The following ASB18 variants were observed in gnomAD, a reference collection of about 807,000 sequenced individuals.
ASB18 encodes the protein ankyrin repeat and SOCS box containing 18.
Under a neutral mutation model 33.4 loss-of-function variants are expected in ASB18, and 33 were observed. That is an observed-to-expected ratio of 0.99 (90% CI 0.75 to 1.32). The LOEUF (loss-of-function observed/expected upper bound fraction) is 1.32. ASB18 is among the 40% of genes most tolerant of loss of function. The pLI, the probability that ASB18 is intolerant of heterozygous loss-of-function variation, is 0.00. For missense variants in ASB18, 694 were observed against 655.5 expected (o/e 1.06, Z -0.64); for synonymous variants, 295 against 307.6 (o/e 0.96, Z 0.43).
At position 236,237,720 on chromosome 2, in the gene ASB18, G is replaced by T; in HGVS notation, c.565C>A (p.Leu189Met). 1 of 1,460,762 alleles carries T rather than the reference G, an allele frequency of 6.8e-7. No homozygotes were observed. The highest frequency in any genetic ancestry group is 1.3e-5 in the South Asian group (1 of 77,078). 90.5% of individuals were successfully genotyped at this position (1,460,762 alleles called of 1,614,324 possible). Reference protein sequence around the residue: ...DLLSAEGLAPLHLCRTAASLG... With the variant: ...DLLSAEGLAPMHLCRTAASLG... ...GAGGCGGCCGTGCGGCAGAGGTGCA[G>T]AGGCGCCAGGCCCTCGGCGCTGAGC... The change falls in exon 3 of 6, where the codon CTG (leucine) becomes ATG (methionine). Residue 189 changes from leucine to methionine, a missense_variant. By Grantham distance (15) the Leu-to-Met change is conservative. Coordinates refer to ENST00000409749, the MANE Select transcript of ASB18 (RefSeq NM_212556.4). The surrounding 1 kb of genome is among the most constrained non-coding windows in gnomAD (Gnocchi z 6.2).
chr2:236,206,963 T>C (rs1009921658), intron 4 of ASB18, among the ~76,000 whole-genome samples: 1 of 152,138 alleles, frequency 6.6e-6, no homozygotes, highest in African/African-American at 2.4e-5. Flanking sequence ...CTGGTGGGTG[T>C]TGGTGTCACA....
rs1450390679 is a variant in ASB18, at chr2:236,262,646, CA to C, written c.205+1494del. ...GCCTAAAGGGTGAATGCAAGATGTA[CA>C]GCTCAGCACTCCCAGTCCAATCACT... is the stretch of plus-strand genomic sequence containing the variant. On this transcript the variant is annotated intron_variant, in intron 1 of 5. Coordinates refer to ENST00000409749, the MANE Select transcript of ASB18 (RefSeq NM_212556.4). The surrounding 1 kb of genome is among the most constrained non-coding windows in gnomAD (Gnocchi z 5.2). 6.6e-6 allele frequency among the ~76,000 whole-genome samples: 1 copy of C among 152,142 alleles called. No homozygotes were observed. The highest frequency in any genetic ancestry group is 6.5e-5 in the Admixed American group (1 of 15,270).
At chr2:236,236,826 T>C (rs1559334851) in intron 3 of ASB18, among the ~76,000 whole-genome samples, 1 of 152,162 alleles carries the variant, frequency 6.6e-6, no homozygotes, top group African/African-American at 2.4e-5. Flanking sequence ...TGGGCGACTT[T>C]CCTTAATCTT....
At position 236,237,609 on chromosome 2, in the gene ASB18, G is replaced by A. The variant is rs1229193117; in HGVS notation, c.596+80C>T. 8.4e-7 allele frequency: 1 copy of A among 1,186,870 alleles called. No individual in the cohort carries two copies. Among genetic ancestry groups the A allele is most frequent in the Non-Finnish European group, 1.1e-6 (1 of 919,118 alleles). The allele number at this position is 1,186,870 out of a possible 1,614,324, so 73.5% of individuals were successfully genotyped here. On this transcript the variant is annotated intron_variant, in intron 3 of 5. Transcript: ENST00000409749. The surrounding 1 kb of genome is among the most constrained non-coding windows in gnomAD (Gnocchi z 6.2). ...GGGGCTGGGACGGAGGCGGAGGCGG[G>A]GTCGGCGGTCTCGTGGGGGGAGGCG...
rs1438391715 is a variant in ASB18 at position 236,214,702 on chromosome 2, G to A, written c.761C>T (p.Thr254Met). The change falls in exon 4 of 6, where the codon ACG becomes ATG. Residue 254 changes from threonine to methionine, a missense_variant. By Grantham distance (81) the Thr-to-Met change is moderately conservative. Coordinates refer to ENST00000409749, the MANE Select transcript of ASB18 (RefSeq NM_212556.4). The surrounding 1 kb of genome is among the most constrained non-coding windows in gnomAD (Gnocchi z 6.5). ...CGCACCGCAGGCCGCGCTCAGAGCC[G>A]TCTCTCCGCGGCCGTTCCTCGCGTC... ...HVDARNGRGE[T>M]ALSAACGAAR... The A allele has an allele frequency of 5.2e-6, 6 of 1,150,080 alleles. No homozygotes were observed. The highest frequency in any genetic ancestry group is 4.4e-5 in the East Asian group (1 of 22,932). The allele number at this position is 1,150,080 out of a possible 1,614,324, so 71.2% of individuals were successfully genotyped here.
chr2:236,209,073 G>C lies in ASB18; in HGVS notation c.1101+5289C>G, dbSNP rs1235379809. Among the ~76,000 whole-genome samples the C allele has an allele frequency of 2.0e-5, 3 of 152,106 alleles. No individual in the cohort carries two copies. The highest frequency in any genetic ancestry group is 4.4e-5 in the Non-Finnish European group (3 of 68,034). On this transcript the variant is annotated intron_variant, in intron 4 of 5. Transcript: ENST00000409749. This position sits in a 1 kb window ranked among gnomAD's most constrained non-coding sequence, Gnocchi z 4.4. ...CACGCAACTCTGTGAAGATGGGAGG[G>C]GGAGCCCTGGTTTTTGACTACTGCT...
At chr2:236,206,676 C>A (rs11888159) in intron 4 of ASB18, among the ~76,000 whole-genome samples, 1,780 of 152,278 alleles carry the variant, frequency 0.012, 34 homozygotes, top group African/African-American at 0.041. Context: ...GTATCAGAGT[C>A]CAATCAGGCA....
intron 3 of ASB18, among the ~76,000 whole-genome samples, chr2:236,227,178 A>C (rs1475168634): frequency 3.3e-5 from 5 of 152,208 alleles, no homozygotes; most frequent in Non-Finnish European, 7.3e-5. Context: ...GACTTGGAAT[A>C]TCATCAAATG....
rs1336278373 is a variant in ASB18 at position 236,239,747 on chromosome 2, G to A, written c.328+1533C>T. Among the ~76,000 whole-genome samples, 1 of 152,240 alleles carries A rather than the reference G, an allele frequency of 6.6e-6. No individual in the cohort carries two copies. On this transcript the variant is annotated intron_variant, in intron 2 of 5. Transcript: ENST00000409749. This position sits in a 1 kb window ranked among gnomAD's most constrained non-coding sequence, Gnocchi z 5.6. ...GATCAATCCCTTCCCCACCAGGGGA[G>A]CTGGAATTGGCCACCGGGAAGTCTT...
chr2:236,202,793 AAAT>A (rs1159175823), intron 4 of ASB18, among the ~76,000 whole-genome samples: 65 of 124,882 alleles, frequency 5.2e-4, no homozygotes, highest in African/African-American at 2.3e-3. Context: ...AAAAAAAAAA[AAAT>A]ATATATATAT....
intron 4 of ASB18, among the ~76,000 whole-genome samples, chr2:236,197,931 C>T (rs537753662): frequency 1.3e-5 from 2 of 152,214 alleles, no homozygotes; most frequent in South Asian, 2.1e-4. Context: ...GTTGTATAAT[C>T]GTTCTTTCTA....
rs2060623557 is a variant in ASB18 at position 236,241,998 on chromosome 2, C to T, written c.206-596G>A. On this transcript the variant is annotated intron_variant, in intron 1 of 5. Transcript: ENST00000409749. The surrounding 1 kb of genome is among the most constrained non-coding windows in gnomAD (Gnocchi z 4.2). ...TCCTCTCAGATTTTTTTTTAAAGTACTATATTTGGAATCTGGAAATAAAAG... is the reference window on the plus strand; with the variant it reads ...TCCTCTCAGATTTTTTTTTAAAGTATTATATTTGGAATCTGGAAATAAAAG... Among the ~76,000 whole-genome samples, 1 of 151,746 alleles carries T rather than the reference C, an allele frequency of 6.6e-6. No individual in the cohort carries two copies. The highest frequency in any genetic ancestry group is 6.6e-5 in the Admixed American group (1 of 15,234).
At chr2:236,201,355 T>C (rs1340915008) in intron 4 of ASB18, among the ~76,000 whole-genome samples, 1 of 152,126 alleles carries the variant, frequency 6.6e-6, no homozygotes, top group Non-Finnish European at 1.5e-5. Flanking sequence ...GGTCTCACTA[T>C]GCTGCCCAGG....
At position 236,262,513 on chromosome 2, in the gene ASB18, A is replaced by G. The variant is rs1210244246; in HGVS notation, c.205+1628T>C. Among the ~76,000 whole-genome samples, 1 of 152,198 alleles carries G rather than the reference A, an allele frequency of 6.6e-6. No individual in the cohort carries two copies. The highest frequency in any genetic ancestry group is 1.9e-4 in the East Asian group (1 of 5,170). ...CCGGGGAAGCACTTGCCCTACCCTCACTTTCCTCCAACTCCTATCATTAGT... is the reference window on the plus strand; with the variant it reads ...CCGGGGAAGCACTTGCCCTACCCTCGCTTTCCTCCAACTCCTATCATTAGT... On this transcript the variant is annotated intron_variant, in intron 1 of 5. Coordinates refer to ENST00000409749, the MANE Select transcript of ASB18 (RefSeq NM_212556.4). The surrounding 1 kb of genome is among the most constrained non-coding windows in gnomAD (Gnocchi z 5.2).
chr2:236,243,270 C>T (rs1258117333), intron 1 of ASB18, among the ~76,000 whole-genome samples: 16 of 140,354 alleles, frequency 1.1e-4, no homozygotes, highest in African/African-American at 4.1e-4. Context: ...ACGGAGCTTG[C>T]AGTGAGCCGA....
rs1404567135 is a variant in ASB18 at position 236,237,944 on chromosome 2, A to G, written c.341T>C (p.Leu114Pro). The G allele has an allele frequency of 2.7e-6, 4 of 1,501,038 alleles. No homozygotes were observed. Among genetic ancestry groups the G allele is most frequent in the Non-Finnish European group, 3.5e-6 (4 of 1,131,646 alleles). 93.0% of individuals were successfully genotyped at this position (1,501,038 alleles called of 1,614,324 possible). Residue 114 changes from leucine (L) to proline (P), a missense_variant, in exon 3 of 6, where the codon CTG (leucine) becomes CCG (proline). By Grantham distance (98) the Leu-to-Pro change is moderately conservative. Coordinates refer to ENST00000409749, the MANE Select transcript of ASB18 (RefSeq NM_212556.4). The surrounding 1 kb of genome is among the most constrained non-coding windows in gnomAD (Gnocchi z 6.2). ...CGTGGTGAGCTCACGCTTGTACTCC[A>G]GGGTCCAGAGGCCTGCGGGGAGGGA... ...ATFGLSGLWT[L>P]EYKRELTTPL...
chr2:236,210,242 G>A (rs2060453575), intron 4 of ASB18: 1 of 152,244 alleles, frequency 6.6e-6, no homozygotes, highest in East Asian at 1.9e-4. Context: ...AGTACTAAAG[G>A]GATGCCCGTG....
At position 236,205,946 on chromosome 2, in the gene ASB18, C is replaced by G. The variant is rs1404354229; in HGVS notation, c.1101+8416G>C. Among the ~76,000 whole-genome samples, 3 of 152,112 alleles carry G rather than the reference C, an allele frequency of 2.0e-5. No individual in the cohort carries two copies. Among genetic ancestry groups the G allele is most frequent in the African/African-American group, 7.2e-5 (3 of 41,432 alleles). On this transcript the variant is annotated intron_variant, in intron 4 of 5. Transcript: ENST00000409749. This position sits in a 1 kb window ranked among gnomAD's most constrained non-coding sequence, Gnocchi z 5.4. The stretch of plus-strand genomic sequence containing the variant: ...AATACTTTGCCAGATTTTTCCATGT[C>G]TTTTTAGAACATTTTTGTTAGAATG...
chr2:236,238,040 G>T lies in ASB18; in HGVS notation c.329-84C>A. 1 of 1,226,022 alleles carries T rather than the reference G, an allele frequency of 8.2e-7. No individual in the cohort carries two copies. The highest frequency in any genetic ancestry group is 1.1e-6 in the Non-Finnish European group (1 of 936,854). 75.9% of individuals were successfully genotyped at this position (1,226,022 alleles called of 1,614,324 possible). A position where few individuals can be genotyped will look rare whatever the true frequency, so the allele number is the denominator to read the frequency against. On this transcript the variant is annotated intron_variant, in intron 2 of 5. Coordinates refer to ENST00000409749, the MANE Select transcript of ASB18 (RefSeq NM_212556.4). This position sits in a 1 kb window ranked among gnomAD's most constrained non-coding sequence, Gnocchi z 5.2. ...CGGTGTTCCTTAAGGCGGAAAGAAA[G>T]TGAAGCCGTCTCTTAAAGGTAGGTA...
Sources: gnomAD v4.1 joint callset for allele counts (sites outside exome capture counted in the v4.1 genomes callset) on GRCh38, gnomAD v4.1.1 for gene constraint, Gnocchi (gnomAD v3.1) non-coding constraint, MANE v1.5 for transcripts, NCBI Gene and HGNC (gene_info 2026-07-23, HGNC 2026-07-21) for gene names.